The following MPDZ variants were observed in gnomAD, a reference collection of about 807,000 sequenced individuals.
MPDZ encodes the protein multiple PDZ domain crumbs cell polarity complex component, also known as multiple PDZ domain protein.
In MPDZ, 234 loss-of-function variants were observed where a neutral mutation model predicts 239.1. That is an observed-to-expected ratio of 0.98 (90% CI 0.88 to 1.09). The LOEUF (loss-of-function observed/expected upper bound fraction) is 1.09. MPDZ is among the 50% of genes least tolerant of loss of function. MPDZ has a pLI of 0.00. For missense variants in MPDZ, 3,175 were observed against 2,510.0 expected (o/e 1.26, Z -5.66); for synonymous variants, 1,048 against 881.3 (o/e 1.19, Z -3.35).
rs752162902 is a variant in MPDZ at position 13,115,341 on chromosome 9, G to A, written c.5380-7C>T. On this transcript the variant is annotated splice_region_variant and splice_polypyrimidine_tract_variant and intron_variant, in intron 39 of 46. Coordinates refer to ENST00000319217, the MANE Select transcript of MPDZ (RefSeq NM_001378778.1). The stretch of plus-strand genomic sequence containing the variant: ...TTACTGTGCCTAGGGAACACTGGGG[G>A]TGGGCATGGGGGGTGTTTTATGGAA... The A allele has an allele frequency of 1.2e-6, 2 of 1,607,132 alleles. No individual in the cohort carries two copies. Among genetic ancestry groups the A allele is most frequent in the East Asian group, 2.2e-5 (1 of 44,834 alleles).
chr9:13,130,617 T>G (rs938466520), intron 32 of MPDZ, among the ~76,000 whole-genome samples: 1 of 152,166 alleles, frequency 6.6e-6, no homozygotes, highest in Non-Finnish European at 1.5e-5. Flanking sequence ...ACAAATAAAA[T>G]GAAGACATTA....
At chr9:13,236,433 C>T (rs1384497493) in intron 3 of MPDZ, among the ~76,000 whole-genome samples, 2 of 150,276 alleles carry the variant, frequency 1.3e-5, no homozygotes, top group African/African-American at 4.9e-5. Context: ...CAGGCATGTA[C>T]CACCCACCTG....
chr9:13,215,764 T>TTG (rs1554703497), intron 10 of MPDZ, among the ~76,000 whole-genome samples: 4 of 138,124 alleles, frequency 2.9e-5, no homozygotes, highest in Non-Finnish European at 4.7e-5. Context: ...TTTTTTTTTT[T>TTG]TTTTTTTTTT....
At chr9:13,125,449 C>T (rs1586987415) in intron 34 of MPDZ, 59 bp from the exon 35 acceptor site, 1 of 1,434,230 alleles carries the variant, frequency 7.0e-7, no homozygotes, top group Non-Finnish European at 9.7e-7. Context: ...GTAGACATAC[C>T]AATGAGTCAC....
chr9:13,256,775 T>C (rs1486047043), intron 1 of MPDZ, among the ~76,000 whole-genome samples: 1 of 152,078 alleles, frequency 6.6e-6, no homozygotes, highest in Admixed American at 6.5e-5. Flanking sequence ...GGGCATGAAA[T>C]ATTATAAGAA....
chr9:13,112,013 G>C lies in MPDZ; in HGVS notation c.5724+11C>G, dbSNP rs1201855841. The C allele has an allele frequency of 6.2e-7, 1 of 1,612,984 alleles. No individual in the cohort carries two copies. The highest frequency in any genetic ancestry group is 8.5e-7 in the Non-Finnish European group (1 of 1,179,214). ...TTTGCTAGGGCTTCTAGGGTTGATA[G>C]TACGACTCACTCTGAGTTTTTGGGT... On this transcript the variant is annotated intron_variant, in intron 43 of 46. Coordinates refer to ENST00000319217, the MANE Select transcript of MPDZ (RefSeq NM_001378778.1).
intron 39 of MPDZ, among the ~76,000 whole-genome samples, chr9:13,117,457 G>A (rs1056296281): frequency 1.3e-5 from 2 of 150,874 alleles, no homozygotes; most frequent in African/African-American, 4.9e-5. Flanking sequence ...CGTGAACCCG[G>A]GAGGCGGAGC....
In MPDZ at chr9:13,126,542, T is replaced by C. The variant is rs1945145765; in HGVS notation, c.4606A>G (p.Ile1536Val). 6.3e-7 allele frequency: 1 copy of C among 1,575,412 alleles called. No individual in the cohort carries two copies. Among genetic ancestry groups the C allele is most frequent in the East Asian group, 2.3e-5 (1 of 43,344 alleles). ...TTTTCAATAGGGTAACCAACAACAA[T>C]TTCATCATCTACAGCCAGTATCTGA... ...GDQILAVDDE[I>V]VVGYPIEKFI... is the part of the protein sequence containing the mutation. Residue 1536 changes from isoleucine to valine, a missense_variant, in exon 34 of 47, where the codon ATT (isoleucine) becomes GTT (valine). Physicochemically the swap from Ile to Val is conservative, Grantham distance 29. Transcript: ENST00000319217.
intron 32 of MPDZ, among the ~76,000 whole-genome samples, chr9:13,132,540 A>C (rs1312830440): frequency 2.0e-5 from 3 of 152,218 alleles, no homozygotes; most frequent in Non-Finnish European, 4.4e-5. Context: ...GTGGAAACAG[A>C]AAACATCAGA....
At chr9:13,264,086 A>G (rs1971286704) in intron 1 of MPDZ, among the ~76,000 whole-genome samples, 1 of 152,188 alleles carries the variant, frequency 6.6e-6, no homozygotes, top group Admixed American at 6.5e-5. Context: ...AGCCTACTGA[A>G]AATGAAAATA....
rs1270382497 is a variant in MPDZ, at chr9:13,216,876, T to G, written c.1202-14A>C. On this transcript the variant is annotated splice_polypyrimidine_tract_variant and intron_variant, in intron 9 of 46. Transcript: ENST00000319217. ...TTCCTGAAGGTTCTAAGATTAGAAA[T>G]AGTTTATTTTTCACAATTTTCAAAG... The G allele has an allele frequency of 3.8e-6, 6 of 1,589,640 alleles. No individual in the cohort carries two copies. The Admixed American group carries it at 8.5e-5, about 23-fold the overall frequency.
At chr9:13,180,414 A>G (rs1251106302) in intron 19 of MPDZ, among the ~76,000 whole-genome samples, 1 of 152,178 alleles carries the variant, frequency 6.6e-6, no homozygotes, top group Non-Finnish European at 1.5e-5. Flanking sequence ...ATTGGTAACA[A>G]TATCATCACC....
At chr9:13,114,072 C>A (rs1480682608) in intron 40 of MPDZ, 51 bp from the exon 41 acceptor site, 2 of 1,308,268 alleles carry the variant, frequency 1.5e-6, no homozygotes, top group Middle Eastern at 3.6e-4. Flanking sequence ...AACATACTCC[C>A]TAAATACCAC....
intron 2 of MPDZ, 139 bp from the exon 3 acceptor site, chr9:13,247,940 C>A: frequency 1.2e-6 from 1 of 843,932 alleles, no homozygotes; most frequent in Non-Finnish European, 1.8e-6. Context: ...AATAAAAAAA[C>A]AGTAGGCCGG....
intron 46 of MPDZ, among the ~76,000 whole-genome samples, chr9:13,108,045 A>C (rs1440928744): frequency 6.6e-6 from 1 of 152,142 alleles, no homozygotes; most frequent in Admixed American, 6.5e-5. Context: ...ACAACACTTT[A>C]AATTGGCTAA....
At chr9:13,160,054 C>A (rs767643112) in intron 23 of MPDZ, among the ~76,000 whole-genome samples, 1 of 152,254 alleles carries the variant, frequency 6.6e-6, no homozygotes, top group Non-Finnish European at 1.5e-5. Flanking sequence ...GAGAAAGACA[C>A]ATGATGAGAA....
At chr9:13,159,754 C>A (rs1950244274) in intron 23 of MPDZ, among the ~76,000 whole-genome samples, 1 of 152,134 alleles carries the variant, frequency 6.6e-6, no homozygotes, top group Non-Finnish European at 1.5e-5. Flanking sequence ...TAATCCAATA[C>A]AAGGACCCCA....
chr9:13,171,010 A>T (rs1239478232), intron 21 of MPDZ, among the ~76,000 whole-genome samples: 1 of 152,142 alleles, frequency 6.6e-6, no homozygotes, highest in Non-Finnish European at 1.5e-5. Context: ...GTAAATAGAG[A>T]ACTGGTTACA....
intron 35 of MPDZ, among the ~76,000 whole-genome samples, chr9:13,124,355 C>G (rs1452392594): frequency 6.6e-6 from 1 of 152,124 alleles, no homozygotes; most frequent in Non-Finnish European, 1.5e-5. Context: ...TACTTTAAGA[C>G]TTTTTCATCC....
Sources: gnomAD v4.1 joint callset for allele counts (sites outside exome capture counted in the v4.1 genomes callset) on GRCh38, gnomAD v4.1.1 for gene constraint, MANE v1.5 for transcripts, NCBI Gene and HGNC (gene_info 2026-07-23, HGNC 2026-07-21) for gene names.